The following XPO7 variants were observed in gnomAD, a reference collection of about 807,000 sequenced individuals.
XPO7 encodes the protein exportin 7, also known as exportin-7.
XPO7 carries 21 observed loss-of-function variants against 144.3 expected under a neutral mutation model. The observed-to-expected ratio is 0.15, with a 90% CI of 0.10 to 0.21. The LOEUF is 0.21. XPO7 is among the 10% of genes least tolerant of loss of function. The probability of loss-of-function intolerance (pLI) is 1.00; values close to 1 mark genes in which losing one functional copy is unlikely to be tolerated. For synonymous variants in XPO7, 580 were observed against 499.6 expected (o/e 1.16, Z -2.15); for missense variants, 808 against 1,325.8 (o/e 0.61, Z 6.06).
chr8:21,920,143 G>A (rs1429824497), intron 1 of XPO7, among the ~76,000 whole-genome samples: 4 of 148,282 alleles, frequency 2.7e-5, no homozygotes, highest in African/African-American at 1.0e-4. Flanking sequence ...GGTGAAGCGA[G>A]GGGGACCCCC....
chr8:21,999,021 G>A lies in XPO7; in HGVS notation c.2429-70G>A, dbSNP rs1585483661. ...GCCTACTGGAATTTGTATGCCTTTG[G>A]AGTAGGAAGGCTGATCTAAACGAGC... On this transcript the variant is annotated intron_variant, in intron 22 of 27. Coordinates refer to ENST00000252512, the MANE Select transcript of XPO7 (RefSeq NM_015024.5). 10 of 1,574,756 alleles carry A rather than the reference G, an allele frequency of 6.4e-6. No individual in the cohort carries two copies. In the East Asian group the frequency reaches 2.2e-4, roughly 35 times the overall value.
intron 8 of XPO7, among the ~76,000 whole-genome samples, chr8:21,979,398 TTTTTTTTTTTCG>T (rs1812330219): frequency 7.1e-6 from 1 of 140,410 alleles, no homozygotes; most frequent in African/African-American, 2.6e-5. Context: ...TTTTTTTTTC[TTTTTTTTTTTCG>T]TTTTTTTTTG....
chr8:21,967,916 T>G (rs748326122), intron 2 of XPO7, among the ~76,000 whole-genome samples: 2 of 152,180 alleles, frequency 1.3e-5, no homozygotes, highest in Non-Finnish European at 1.5e-5. Context: ...CCCCCCAGGG[T>G]CCCATGAAAG....
At chr8:21,969,807 A>T (rs962856311) in intron 3 of XPO7, 1 of 555,730 alleles carries the variant, frequency 1.8e-6, no homozygotes, top group Non-Finnish European at 3.1e-6. Flanking sequence ...AGATTTCTTC[A>T]TTCATCTTTT....
intron 14 of XPO7, 24 bp downstream of exon 14, chr8:21,987,300 C>A (rs1221848314): frequency 1.2e-6 from 2 of 1,613,324 alleles, no homozygotes; most frequent in Non-Finnish European, 8.5e-7. Flanking sequence ...AATTGGCTCC[C>A]CTTAGTTCTC....
chr8:21,938,834 G>A (rs1378747548), intron 1 of XPO7, among the ~76,000 whole-genome samples: 1 of 152,062 alleles, frequency 6.6e-6, no homozygotes, highest in Admixed American at 6.6e-5. Context: ...CAAGATCCCA[G>A]ATTGAGAAAC....
intron 27 of XPO7, among the ~76,000 whole-genome samples, chr8:22,004,315 A>C (rs190155163): frequency 1.4e-4 from 21 of 152,232 alleles, no homozygotes; most frequent in African/African-American, 4.8e-4. Context: ...TGTGTACTTT[A>C]CATTTAACAG....
intron 10 of XPO7, 68 bp downstream of exon 10, chr8:21,981,945 T>A (rs1182663878): frequency 6.3e-7 from 1 of 1,581,150 alleles, no homozygotes; most frequent in African/African-American, 1.4e-5. Flanking sequence ...GTTTTAACCA[T>A]GTAAGAATAT....
intron 1 of XPO7, among the ~76,000 whole-genome samples, chr8:21,938,399 T>C (rs1810886824): frequency 6.6e-6 from 1 of 152,222 alleles, no homozygotes; most frequent in South Asian, 2.1e-4. Flanking sequence ...AACATTTTCA[T>C]CACTCCAAAA....
intron 12 of XPO7, among the ~76,000 whole-genome samples, 200 bp from the exon 13 acceptor site, chr8:21,985,386 C>A (rs925212812): frequency 1.6e-4 from 24 of 152,206 alleles, no homozygotes; most frequent in African/African-American, 1.2e-4. Flanking sequence ...ATGGCCTTGT[C>A]TGATACAGGA....
At chr8:21,930,889 A>G (rs1406942396) in intron 1 of XPO7, among the ~76,000 whole-genome samples, 1 of 152,202 alleles carries the variant, frequency 6.6e-6, no homozygotes, top group Admixed American at 6.5e-5. Context: ...GCTAGAGTGC[A>G]GTGTTGCGAT....
At chr8:21,969,341 G>A in intron 2 of XPO7, 142 bp from the exon 3 acceptor site, 1 of 664,070 alleles carries the variant, frequency 1.5e-6, no homozygotes, top group East Asian at 2.7e-5. Flanking sequence ...CCTCAGAGCA[G>A]TAGACCCTCT....
In XPO7 at chr8:21,958,998, T is replaced by A. The variant is rs144899254; in HGVS notation, c.19-7859T>A. ...AAAAAAGAGGCAAAGCATGGCAGTGTTGAGCCTCAGCTGGGATTGTGTAAG... is the reference window on the plus strand; with the variant it reads ...AAAAAAGAGGCAAAGCATGGCAGTGATGAGCCTCAGCTGGGATTGTGTAAG... On this transcript the variant is annotated intron_variant, in intron 1 of 27. Transcript: ENST00000252512. Among the ~76,000 whole-genome samples, 472 of 150,726 alleles carry A rather than the reference T, an allele frequency of 3.1e-3. 6 individuals carry two copies. Among genetic ancestry groups the A allele is most frequent in the Non-Finnish European group, 4.1e-3 (275 of 67,852 alleles).
chr8:21,953,733 AC>A (rs1417089872), intron 1 of XPO7, among the ~76,000 whole-genome samples: 1 of 152,034 alleles, frequency 6.6e-6, no homozygotes, highest in Non-Finnish European at 1.5e-5. Flanking sequence ...TCTCACTGTT[AC>A]TTTAATTTGC....
At chr8:21,937,654 C>T (rs1425721365) in intron 1 of XPO7, among the ~76,000 whole-genome samples, 1 of 152,138 alleles carries the variant, frequency 6.6e-6, no homozygotes, top group Non-Finnish European at 1.5e-5. Context: ...CTGAAATCAT[C>T]AGAAGTTATT....
chr8:21,923,288 G>A (rs1279780964), intron 1 of XPO7, among the ~76,000 whole-genome samples: 8 of 152,122 alleles, frequency 5.3e-5, no homozygotes, highest in Non-Finnish European at 1.2e-4. Flanking sequence ...ATGCTCTTTT[G>A]GCAGGCTTCA....
chr8:21,933,883 T>C lies in XPO7; in HGVS notation c.18+14095T>C, dbSNP rs1420851674. ...TAAAAAGAATTTATACCCCCTTTTT[T>C]TAGAGGGTAGCTAACTGTATATTGT... On this transcript the variant is annotated intron_variant, in intron 1 of 27. Coordinates refer to ENST00000252512, the MANE Select transcript of XPO7 (RefSeq NM_015024.5). Among the ~76,000 whole-genome samples, 4 of 152,210 alleles carry C rather than the reference T, an allele frequency of 2.6e-5. 1 individual carries two copies. Among genetic ancestry groups the C allele is most frequent in the African/African-American group, 7.2e-5 (3 of 41,460 alleles).
chr8:21,924,574 A>T (rs1355402957), intron 1 of XPO7, among the ~76,000 whole-genome samples: 1 of 152,128 alleles, frequency 6.6e-6, no homozygotes, highest in Non-Finnish European at 1.5e-5. Flanking sequence ...AGCAGTGATT[A>T]TACAGCTTTG....
chr8:21,920,396 A>G (rs1810237575), intron 1 of XPO7, among the ~76,000 whole-genome samples: 1 of 151,602 alleles, frequency 6.6e-6, no homozygotes, highest in Admixed American at 6.6e-5. Flanking sequence ...GGTCTTCCAA[A>G]ATGGGTGCTC....
Sources: allele counts gnomAD v4.1 joint callset (sites outside exome capture counted in the v4.1 genomes callset), GRCh38; gene constraint gnomAD v4.1.1; transcripts MANE v1.5; gene names NCBI Gene and HGNC (gene_info 2026-07-23, HGNC 2026-07-21).